Variants in SYN2 observed in about 807,000 individuals in gnomAD.
The protein encoded by SYN2 is synapsin-2.
SYN2 carries 19 observed loss-of-function variants against 50.9 expected under a neutral mutation model. That is an observed-to-expected ratio of 0.37 (90% confidence interval 0.26 to 0.55). The LOEUF (loss-of-function observed/expected upper bound fraction) is 0.55. Among genes scored for constraint, SYN2 ranks in the 20% least tolerant of loss-of-function variants. The pLI, the probability that SYN2 is intolerant of heterozygous loss-of-function variation, is 0.81. For synonymous variants in SYN2, 255 were observed against 224.9 expected (o/e 1.13, Z -1.20); for missense variants, 587 against 576.4 (o/e 1.02, Z -0.19).
intron 1 of SYN2, among the ~76,000 whole-genome samples, chr3:12,089,206 C>G (rs1460843898): frequency 6.6e-6 from 1 of 152,254 alleles, no homozygotes; most frequent in East Asian, 1.9e-4. Flanking sequence ...AATGGACTTA[C>G]AGTTCCACAT....
intron 1 of SYN2, among the ~76,000 whole-genome samples, chr3:12,069,001 A>C (rs1695281624): frequency 6.6e-6 from 1 of 152,208 alleles, no homozygotes; most frequent in African/African-American, 2.4e-5. Flanking sequence ...AACACTTCAT[A>C]TAAATGGAGT....
intron 1 of SYN2, among the ~76,000 whole-genome samples, chr3:12,116,446 C>G (rs552009895): frequency 6.6e-6 from 1 of 152,114 alleles, no homozygotes; most frequent in Non-Finnish European, 1.5e-5. Context: ...GTTTTGTGAT[C>G]GGTCAATGAT....
At chr3:12,090,886 G>A (rs1695810861) in intron 1 of SYN2, among the ~76,000 whole-genome samples, 1 of 152,114 alleles carries the variant, frequency 6.6e-6, no homozygotes, top group Non-Finnish European at 1.5e-5. Context: ...TAAATGGTTT[G>A]CTTTGAGTGA....
intron 1 of SYN2, among the ~76,000 whole-genome samples, chr3:12,107,124 C>T (rs1280815912): frequency 6.6e-6 from 1 of 152,092 alleles, no homozygotes; most frequent in Non-Finnish European, 1.5e-5. Context: ...TTCAAGCATA[C>T]TATTTCATAT....
intron 11 of SYN2, chr3:12,183,602 G>A: frequency 6.8e-7 from 1 of 1,468,408 alleles, no homozygotes; most frequent in South Asian, 1.4e-5. Context: ...CCTCTGTCTG[G>A]TTGTTTACCT....
intron 1 of SYN2, among the ~76,000 whole-genome samples, chr3:12,009,187 T>C (rs1204550913): frequency 6.6e-6 from 1 of 152,234 alleles, no homozygotes; most frequent in Non-Finnish European, 1.5e-5. Flanking sequence ...TTTAGAATTC[T>C]CAGATATTAG....
intron 1 of SYN2, among the ~76,000 whole-genome samples, chr3:12,104,373 A>G (rs1696134657): frequency 6.6e-6 from 1 of 152,218 alleles, no homozygotes; most frequent in South Asian, 2.1e-4. Context: ...GAAATTTGCA[A>G]ATGCTATATA....
At position 12,140,656 on chromosome 3, in the gene SYN2, A is replaced by G. The variant is rs544852588; in HGVS notation, c.383A>G (p.Lys128Arg). Residue 128 changes from lysine (K) to arginine (R), a missense_variant, in exon 2 of 13, where the codon AAG (lysine) becomes AGG (arginine). Transcript: ENST00000621198. ...GGGTTTATTCTTTTCTCCAGGGCCA[A>G]GTGCTTTCGGGGCAAAAAAGTCCTT... ...VVDEPHADWA[K>R]CFRGKKVLGD... 2.3e-3 allele frequency: 1,716 copies of G among 761,966 alleles called. 32 individuals carry two copies. In the South Asian group the frequency reaches 0.024, roughly 11 times the overall value. 47.2% of individuals were successfully genotyped at this position (761,966 alleles called of 1,614,324 possible).
At chr3:12,044,160 T>TTTCTC (rs1553610001) in intron 1 of SYN2, among the ~76,000 whole-genome samples, 4 of 135,564 alleles carry the variant, frequency 3.0e-5, no homozygotes, top group Admixed American at 2.2e-4. Flanking sequence ...GAAGGCAAAG[T>TTTCTC]TCTCTCTCTC....
chr3:12,041,011 A>T (rs1200976625), intron 1 of SYN2, among the ~76,000 whole-genome samples: 3 of 152,282 alleles, frequency 2.0e-5, no homozygotes, highest in Admixed American at 2.0e-4. Flanking sequence ...TTCTCAGAGA[A>T]TAAAGGGGTG....
At chr3:12,174,539 G>T (rs1252301651) in intron 10 of SYN2, among the ~76,000 whole-genome samples, 2 of 152,080 alleles carry the variant, frequency 1.3e-5, no homozygotes, top group Non-Finnish European at 2.9e-5. Flanking sequence ...CTGGAGTGTG[G>T]TGGTGCATCT....
intron 1 of SYN2, chr3:12,070,725 G>T: frequency 1.1e-6 from 1 of 911,326 alleles, no homozygotes; most frequent in Non-Finnish European, 1.7e-6. Flanking sequence ...CTCATACAGT[G>T]CCCATCTACG....
chr3:12,053,724 C>G (rs1215010159), intron 1 of SYN2, among the ~76,000 whole-genome samples: 1 of 152,092 alleles, frequency 6.6e-6, no homozygotes, highest in Non-Finnish European at 1.5e-5. Flanking sequence ...ATTTTTATAA[C>G]TCTCAAATTG....
rs1023852909 is a variant in SYN2 at position 12,011,671 on chromosome 3, G to A, written c.377+6743G>A. ...ACAGGATTGAGGGTCAAAAGACTTCGAATTGAGATCTGGCTCCACTGTTAG... is the reference window on the plus strand; with the variant it reads ...ACAGGATTGAGGGTCAAAAGACTTCAAATTGAGATCTGGCTCCACTGTTAG... On this transcript the variant is annotated intron_variant, in intron 1 of 12. Coordinates refer to ENST00000621198, the MANE Select transcript of SYN2 (RefSeq NM_133625.6). Among the ~76,000 whole-genome samples, 7 of 152,196 alleles carry A rather than the reference G, an allele frequency of 4.6e-5. No homozygotes were observed. In the East Asian group the frequency reaches 1.3e-3, roughly 29 times the overall value.
chr3:12,005,605 T>C (rs1012610375), intron 1 of SYN2, among the ~76,000 whole-genome samples: 5 of 151,552 alleles, frequency 3.3e-5, no homozygotes, highest in Non-Finnish European at 7.4e-5. Flanking sequence ...ATTGCTTGTT[T>C]TTCTGAAATG....
rs1474877659 is a variant in SYN2 at position 12,022,861 on chromosome 3, A to G, written c.377+17933A>G. Among the ~76,000 whole-genome samples the G allele has an allele frequency of 3.3e-5, 5 of 152,178 alleles. No homozygotes were observed. The East Asian group carries it at 9.6e-4, about 29-fold the overall frequency. The stretch of plus-strand genomic sequence containing the variant: ...CCGTGCCTGGCCAAGAAAATTATTA[A>G]TGCCTATAGGAGGATGAATATGGTG... On this transcript the variant is annotated intron_variant, in intron 1 of 12. Transcript: ENST00000621198.
At chr3:12,035,974 A>G (rs1442026670) in intron 1 of SYN2, among the ~76,000 whole-genome samples, 1 of 152,166 alleles carries the variant, frequency 6.6e-6, no homozygotes, top group Admixed American at 6.5e-5. Flanking sequence ...CAAACATTTT[A>G]TGGCTCTAAC....
chr3:12,187,534 C>T lies in SYN2; in HGVS notation c.1535C>T (p.Ser512Phe). The T allele has an allele frequency of 6.4e-7, 1 of 1,552,552 alleles. No individual in the cohort carries two copies. The highest frequency in any genetic ancestry group is 8.7e-7 in the Non-Finnish European group (1 of 1,147,340). Residue 512 changes from serine to phenylalanine, a missense_variant, in exon 12 of 13, where the codon TCC becomes TTC. Coordinates refer to ENST00000621198, the MANE Select transcript of SYN2 (RefSeq NM_133625.6). ...CCCACCACCCACGGAGATGCACCCT[C>T]CAGCAGCAGCTCCCTGGCAGAGGCC... ...GGPTTHGDAP[S>F]SSSSLAEAQP...
At chr3:12,024,174 T>A (rs80062906) in intron 1 of SYN2, among the ~76,000 whole-genome samples, 4,505 of 65,452 alleles carry the variant, frequency 0.069, 81 homozygotes, top group East Asian at 0.24. Context: ...TTTTTTTTTT[T>A]GAGACAGAGT....
Sources: allele counts gnomAD v4.1 joint callset (sites outside exome capture counted in the v4.1 genomes callset), GRCh38; gene constraint gnomAD v4.1.1; transcripts MANE v1.5; gene names NCBI Gene and HGNC (gene_info 2026-07-23, HGNC 2026-07-21).